Variants in CSAD observed in about 807,000 individuals in gnomAD.
CSAD encodes P-selectin cytoplasmic tail-associated protein.
CSAD carries 47 observed loss-of-function variants against 61.5 expected under a neutral mutation model. The ratio of observed to expected loss-of-function variants is 0.76; its 90% confidence interval spans 0.60 to 0.97. The LOEUF is 0.97. CSAD is among the 50% of genes least tolerant of loss of function. The pLI is 0.00. For missense variants in CSAD, 611 were observed against 643.6 expected (o/e 0.95, Z 0.55); for synonymous variants, 245 against 252.7 (o/e 0.97, Z 0.29).
In CSAD at chr12:53,173,709, AAGGCAGAGACAAGCTTACCTCTCTGCTC is replaced by A. The variant is rs765211125; in HGVS notation, c.-16_-7+18del. On this transcript the variant is annotated splice_donor_variant and splice_donor_5th_base_variant and 5_prime_UTR_variant and intron_variant, in exon 3 of 17. Coordinates refer to ENST00000444623, the MANE Select transcript of CSAD (RefSeq NM_001244705.2). LOFTEE classifies it low-confidence loss of function (5UTR_SPLICE). ...TGGACTCTAGTGGCCATTTCCACCT[AAGGCAGAGACAAGCTTACCTCTCTGCTC>A]AGGAGAGCCGGAGGCAGGGTGCACA... 2 of 1,578,386 alleles carry A rather than the reference AAGGCAGAGACAAGCTTACCTCTCTGCTC, an allele frequency of 1.3e-6. No individual in the cohort carries two copies.
rs747974447 is a variant in CSAD, at chr12:53,172,005, C to T, written c.345-17G>A. 52 of 1,588,786 alleles carry T rather than the reference C, an allele frequency of 3.3e-5. No homozygotes were observed. Among genetic ancestry groups the T allele is most frequent in the Middle Eastern group, 1.7e-4 (1 of 6,050 alleles). ...TATGTGTACCTGCCAGGAGAGAGAA[C>T]GACGAGAAAGGAGAGATGGGGAGGG... On this transcript the variant is annotated splice_polypyrimidine_tract_variant and intron_variant, in intron 6 of 16. Coordinates refer to ENST00000444623, the MANE Select transcript of CSAD (RefSeq NM_001244705.2).
rs199923741 is a variant in CSAD at position 53,159,753 on chromosome 12, G to A, written c.1219-41C>T. 2.6e-6 allele frequency: 4 copies of A among 1,564,998 alleles called. No individual in the cohort carries two copies. In the Admixed American group the frequency reaches 7.4e-5, roughly 29 times the overall value. On this transcript the variant is annotated intron_variant, in intron 15 of 16. Coordinates refer to ENST00000444623, the MANE Select transcript of CSAD (RefSeq NM_001244705.2). ...AAGAGGAAGGTGTGAGCTGAGAAAG[G>A]GGGACCGTTTTCCCTCTCCCTGCCC...
At position 53,172,756 on chromosome 12, in the gene CSAD, C is replaced by T. The variant is rs1018823870; in HGVS notation, c.127-108G>A. Reference sequence around the variant, plus strand: ...GGCCAACCTGCACTAAAAACAACTTCGGGATATTTCCAAAGCAAAACTCTG... The same window carrying T: ...GGCCAACCTGCACTAAAAACAACTTTGGGATATTTCCAAAGCAAAACTCTG... On this transcript the variant is annotated intron_variant, in intron 4 of 16. Transcript: ENST00000444623. 3.5e-5 allele frequency: 44 copies of T among 1,245,638 alleles called. 1 individual carries two copies. In the South Asian group the frequency reaches 5.9e-4, roughly 17 times the overall value. 77.2% of individuals were successfully genotyped at this position (1,245,638 alleles called of 1,614,324 possible). A position where few individuals can be genotyped will look rare whatever the true frequency, so the allele number is the denominator to read the frequency against.
intron 2 of CSAD, among the ~76,000 whole-genome samples, chr12:53,174,215 G>A (rs1940926127): frequency 6.6e-6 from 1 of 151,598 alleles, no homozygotes; most frequent in Admixed American, 6.6e-5. Flanking sequence ...GGCTGAGGCA[G>A]GAGAATGGCG....
chr12:53,160,879 C>T lies in CSAD; in HGVS notation c.885-35G>A, dbSNP rs970039817. On this transcript the variant is annotated intron_variant, in intron 12 of 16. Coordinates refer to ENST00000444623, the MANE Select transcript of CSAD (RefSeq NM_001244705.2). ...GTGGAGCAAAGGCAGGTCAGTGGCTCCTCCTCCAGCTGCCCAACCAGAGCC... is the reference window on the plus strand; with the variant it reads ...GTGGAGCAAAGGCAGGTCAGTGGCTTCTCCTCCAGCTGCCCAACCAGAGCC... 5 of 1,528,764 alleles carry T rather than the reference C, an allele frequency of 3.3e-6. No homozygotes were observed. In the Admixed American group the frequency reaches 7.9e-5, roughly 24 times the overall value. 94.7% of individuals were successfully genotyped at this position (1,528,764 alleles called of 1,614,324 possible). A position where few individuals can be genotyped will look rare whatever the true frequency, so the allele number is the denominator to read the frequency against.
intron 9 of CSAD, 129 bp from the exon 10 acceptor site, chr12:53,170,255 G>C: frequency 9.9e-7 from 1 of 1,012,296 alleles, no homozygotes; most frequent in Non-Finnish European, 1.5e-6. Context: ...TCTCAGGGCA[G>C]AGGTGGGAGA....
chr12:53,166,885 T>G (rs537639421), intron 10 of CSAD, among the ~76,000 whole-genome samples: 2 of 152,184 alleles, frequency 1.3e-5, no homozygotes, highest in Non-Finnish European at 2.9e-5. Flanking sequence ...TTAACACTAC[T>G]GAACTGTACA....
At chr12:53,159,839 A>G (rs369092249) in intron 15 of CSAD, 48 bp downstream of exon 15, 1 of 1,562,476 alleles carries the variant, frequency 6.4e-7, no homozygotes. Flanking sequence ...TGGGGGCTGC[A>G]AAAGAGCTAG....
chr12:53,165,202 G>T (rs115224582), intron 10 of CSAD, among the ~76,000 whole-genome samples: 4,219 of 152,146 alleles, frequency 0.028, 184 homozygotes, highest in African/African-American at 0.096. Flanking sequence ...TTGGCCAAGT[G>T]TGGCAGCCTG....
chr12:53,160,721 C>G (rs1939179286), intron 13 of CSAD, 42 bp downstream of exon 13: 8 of 1,494,134 alleles, frequency 5.4e-6, no homozygotes, highest in South Asian at 2.4e-5. Flanking sequence ...GGCAGAGCTC[C>G]AGAGAGAGGT....
At chr12:53,180,499 C>T in intron 1 of CSAD, 1 of 1,246,864 alleles carries the variant, frequency 8.0e-7, no homozygotes, top group Non-Finnish European at 1.0e-6. Context: ...CGCGCCCCGG[C>T]CACGGCGCAC....
chr12:53,176,973 C>A (rs1466418701), intron 2 of CSAD, among the ~76,000 whole-genome samples: 1 of 152,142 alleles, frequency 6.6e-6, no homozygotes. Context: ...TCAAGCAATC[C>A]TCCCACCTCA....
intron 10 of CSAD, among the ~76,000 whole-genome samples, chr12:53,166,827 A>G (rs1310908872): frequency 6.6e-6 from 1 of 152,132 alleles, no homozygotes; most frequent in African/African-American, 2.4e-5. Flanking sequence ...ACAAAAAAAC[A>G]AGATGAAAAG....
At chr12:53,161,061 T>A (rs1448444710) in intron 12 of CSAD, 66 bp downstream of exon 12, 1 of 1,516,920 alleles carries the variant, frequency 6.6e-7, no homozygotes, top group Admixed American at 1.7e-5. Context: ...AACTCCCTAG[T>A]CCATGATGAT....
At chr12:53,163,207 C>T (rs1939518416) in intron 10 of CSAD, among the ~76,000 whole-genome samples, 1 of 152,106 alleles carries the variant, frequency 6.6e-6, no homozygotes, top group Non-Finnish European at 1.5e-5. Context: ...TGCTCTACAG[C>T]CTGGTCAACA....
intron 1 of CSAD, chr12:53,180,254 G>A (rs1308626525): frequency 3.1e-5 from 31 of 985,392 alleles, no homozygotes; most frequent in Non-Finnish European, 3.5e-5. Context: ...GAAAAAATTC[G>A]GAGAAGAACC....
At chr12:53,165,556 G>A (rs1324250680) in intron 10 of CSAD, among the ~76,000 whole-genome samples, 1 of 150,902 alleles carries the variant, frequency 6.6e-6, no homozygotes, top group Admixed American at 6.6e-5. Context: ...CCAGCTACTC[G>A]GGAGGCTGAA....
At chr12:53,173,997 C>A (rs1230589560) in intron 2 of CSAD, 1 of 546,952 alleles carries the variant, frequency 1.8e-6, no homozygotes. Context: ...TCTAGTCTGG[C>A]CATTTCATGT....
chr12:53,162,709 G>A (rs1939427894), intron 10 of CSAD, among the ~76,000 whole-genome samples: 1 of 151,936 alleles, frequency 6.6e-6, no homozygotes, highest in Admixed American at 6.6e-5. Flanking sequence ...AATTGCTTGA[G>A]CCTAGGAGTT....
Sources: gnomAD v4.1 joint callset for allele counts (sites outside exome capture counted in the v4.1 genomes callset) on GRCh38, gnomAD v4.1.1 for gene constraint, MANE v1.5 for transcripts, NCBI Gene and HGNC (gene_info 2026-07-23, HGNC 2026-07-21) for gene names.